ANKRD27: variants seen among roughly 807,000 people sequenced by gnomAD.
The protein encoded by ANKRD27 is ankyrin repeat domain 27.
In ANKRD27, 112 loss-of-function variants were observed where a neutral mutation model predicts 129.7. That is an observed-to-expected ratio of 0.86 (90% confidence interval 0.74 to 1.01). The LOEUF (loss-of-function observed/expected upper bound fraction) is 1.01. Among genes scored for constraint, ANKRD27 ranks in the 50% least tolerant of loss-of-function variants. The probability of loss-of-function intolerance (pLI) is 0.00; values close to 1 mark genes in which losing one functional copy is unlikely to be tolerated. For missense variants in ANKRD27, 1,258 were observed against 1,300.5 expected, an observed-to-expected ratio of 0.97 and a Z score of 0.50; for synonymous variants, 516 against 511.2, an observed-to-expected ratio of 1.01 and a Z score of -0.13.
intron 3 of ANKRD27, 66 bp from the exon 4 acceptor site, chr19:32,646,681 C>G: frequency 6.4e-7 from 1 of 1,550,986 alleles, no homozygotes; most frequent in East Asian, 2.3e-5. Context: ...TCAGCCTGGC[C>G]CCCGATGCAG....
intron 16 of ANKRD27, 74 bp from the exon 17 acceptor site, chr19:32,626,040 G>T: frequency 8.0e-7 from 1 of 1,253,394 alleles, no homozygotes; most frequent in Non-Finnish European, 1.1e-6. Flanking sequence ...GTCTTAGCAG[G>T]GGGAGGTCAT....
chr19:32,639,230 A>C lies in ANKRD27; in HGVS notation c.1116+126T>G, dbSNP rs531810904. 4.3e-6 allele frequency: 5 copies of C among 1,168,112 alleles called. No individual in the cohort carries two copies. The East Asian group carries it at 1.2e-4, about 28-fold the overall frequency. The allele number at this position is 1,168,112 out of a possible 1,614,324, so 72.4% of individuals were successfully genotyped here. ...GTGATTTTTAAGACTCACAGCCCTC[A>C]AACAGCTGAGGCCCCATTCCTGGGA... On this transcript the variant is annotated intron_variant, in intron 12 of 28. Transcript: ENST00000306065.
At chr19:32,600,351 G>A (rs964829271) in intron 26 of ANKRD27, 1 of 221,574 alleles carries the variant, frequency 4.5e-6, no homozygotes, top group African/African-American at 2.3e-5. Flanking sequence ...ACCAGCCTGG[G>A]CAACATGGAG....
In ANKRD27 at chr19:32,607,755, G is replaced by A. The variant is rs765216516; in HGVS notation, c.2253C>T (p.Ala751=). The A allele has an allele frequency of 2.7e-5, 43 of 1,612,926 alleles. No individual in the cohort carries two copies. The East Asian group carries it at 3.1e-4, about 12-fold the overall frequency. Reference sequence around the variant, plus strand: ...TGAGGTCCGCCCGGCCGTGCAGGGCGGCGACATGCAGCGGGGAGGAGCCGT... The same window carrying A: ...TGAGGTCCGCCCGGCCGTGCAGGGCAGCGACATGCAGCGGGGAGGAGCCGT... ...SQDGSSPLHV[A]ALHGRADLIP... The change falls in exon 23 of 29, where the codon GCC becomes GCT. Residue 751 remains alanine, a synonymous_variant. Coordinates refer to ENST00000306065, the MANE Select transcript of ANKRD27 (RefSeq NM_032139.3).
Position 32,636,482 on chromosome 19 carries a change from A to C in ANKRD27, c.1116+2874T>G, listed in dbSNP as rs181081447. 24 of 148,640 alleles carry C rather than the reference A, an allele frequency of 1.6e-4. 1 individual carries two copies. The East Asian group carries it at 3.0e-3, about 18-fold the overall frequency. 9.2% of individuals were successfully genotyped at this position (148,640 alleles called of 1,614,324 possible). ...CTTCACATGCAAGAAATGAACGAATAAAATGCTGGCTCACATGCCTCAAAA... is the reference window on the plus strand; with the variant it reads ...CTTCACATGCAAGAAATGAACGAATCAAATGCTGGCTCACATGCCTCAAAA... On this transcript the variant is annotated intron_variant, in intron 12 of 28. Transcript: ENST00000306065.
At chr19:32,646,706 C>T in intron 3 of ANKRD27, 91 bp from the exon 4 acceptor site, 1 of 1,390,398 alleles carries the variant, frequency 7.2e-7, no homozygotes, top group Admixed American at 2.5e-5. Flanking sequence ...TAACCAGACC[C>T]TACGGCCTTC....
intron 16 of ANKRD27, 142 bp downstream of exon 16, chr19:32,626,570 G>A: frequency 1.7e-6 from 1 of 597,162 alleles, no homozygotes; most frequent in Admixed American, 3.2e-5. Flanking sequence ...GACTACTGCT[G>A]CAGCAGAGCT....
intron 1 of ANKRD27, among the ~76,000 whole-genome samples, chr19:32,663,464 T>C (rs1298363259): frequency 6.6e-6 from 1 of 152,248 alleles, no homozygotes; most frequent in Non-Finnish European, 1.5e-5. Flanking sequence ...AGAGTAAAGT[T>C]TTCTATTTTT....
chr19:32,626,415 C>G (rs752448045), intron 16 of ANKRD27, among the ~76,000 whole-genome samples: 3 of 152,164 alleles, frequency 2.0e-5, no homozygotes, highest in Non-Finnish European at 2.9e-5. Context: ...CTCAAGCGAT[C>G]CTCCTGCTTT....
At chr19:32,639,533 A>G in intron 11 of ANKRD27, 45 bp from the exon 12 acceptor site, 4 of 1,586,408 alleles carry the variant, frequency 2.5e-6, no homozygotes, top group Non-Finnish European at 3.4e-6. Flanking sequence ...TATCCAAGTC[A>G]CACTTCTGCA....
At position 32,605,823 on chromosome 19, in the gene ANKRD27, A is replaced by C. The variant is rs1971724813; in HGVS notation, c.2493+12T>G. On this transcript the variant is annotated intron_variant, in intron 24 of 28. Transcript: ENST00000306065. The stretch of plus-strand genomic sequence containing the variant: ...GCAGGTGTGTAGAATGAGGACAGGA[A>C]GGGGCCCTCACCTGTAGCAGCAGTG... The C allele has an allele frequency of 1.2e-6, 2 of 1,611,930 alleles. No homozygotes were observed. The highest frequency in any genetic ancestry group is 2.7e-5 in the African/African-American group (2 of 74,362).
chr19:32,607,538 AG>A, intron 23 of ANKRD27, 96 bp downstream of exon 23: 1 of 1,415,130 alleles, frequency 7.1e-7, no homozygotes, highest in South Asian at 1.3e-5. Context: ...AGTGTCCTCC[AG>A]GGTAGCCACC....
intron 2 of ANKRD27, among the ~76,000 whole-genome samples, chr19:32,656,239 T>C (rs1213076939): frequency 6.6e-6 from 1 of 151,996 alleles, no homozygotes; most frequent in Non-Finnish European, 1.5e-5. Context: ...TATGCCACAG[T>C]GTGACAGTTC....
chr19:32,620,885 C>CAAAAA lies in ANKRD27; in HGVS notation c.1828-1337_1828-1333dup, dbSNP rs746859989. On this transcript the variant is annotated intron_variant, in intron 18 of 28. Transcript: ENST00000306065. ...TGGGCAATACAGCCAAACCTTGTCT[C>CAAAAA]AAAAAAAAAAAAAAAAAAAAAAAAA... Among the ~76,000 whole-genome samples, 4 of 75,310 alleles carry CAAAAA rather than the reference C, an allele frequency of 5.3e-5. No homozygotes were observed. In the Admixed American group the frequency reaches 5.5e-4, roughly 10 times the overall value. 49.4% of individuals were successfully genotyped at this position (75,310 alleles called of 152,430 possible).
At chr19:32,618,466 A>G (rs1233496469) in intron 20 of ANKRD27, among the ~76,000 whole-genome samples, 2 of 149,338 alleles carry the variant, frequency 1.3e-5, no homozygotes, top group Non-Finnish European at 3.0e-5. Flanking sequence ...AAAAAAAAAA[A>G]AAAAAAGAAA....
intron 17 of ANKRD27, 122 bp from the exon 18 acceptor site, chr19:32,622,741 A>G (rs993556108): frequency 1.6e-4 from 140 of 857,190 alleles, no homozygotes; most frequent in Non-Finnish European, 2.4e-4. Flanking sequence ...GAAGTGTCAC[A>G]GTATCTGATC....
intron 17 of ANKRD27, 138 bp from the exon 18 acceptor site, chr19:32,622,757 A>C: frequency 8.6e-6 from 6 of 701,422 alleles, no homozygotes; most frequent in African/African-American, 1.8e-5. Context: ...TGATCAGGAC[A>C]CCTCATTCTC....
intron 3 of ANKRD27, among the ~76,000 whole-genome samples, chr19:32,647,733 T>C (rs1479531018): frequency 6.6e-6 from 1 of 150,582 alleles, no homozygotes; most frequent in Non-Finnish European, 1.5e-5. Context: ...TTTGGACACC[T>C]AGATCTACAA....
At chr19:32,653,753 G>A (rs1209839008) in intron 2 of ANKRD27, among the ~76,000 whole-genome samples, 1 of 150,018 alleles carries the variant, frequency 6.7e-6, no homozygotes, top group African/African-American at 2.4e-5. Flanking sequence ...ACGGGGTGGG[G>A]GTGGGGAGGG....
Sources: allele counts gnomAD v4.1 joint callset (sites outside exome capture counted in the v4.1 genomes callset), GRCh38; gene constraint gnomAD v4.1.1; transcripts MANE v1.5; gene names NCBI Gene and HGNC (gene_info 2026-07-23, HGNC 2026-07-21).